Variants in DHX40 observed in about 807,000 individuals in gnomAD.
DHX40 encodes probable ATP-dependent RNA helicase DHX40.
DHX40 carries 28 observed loss-of-function variants against 89.6 expected under a neutral mutation model. The observed-to-expected ratio is 0.31, with a 90% CI of 0.23 to 0.43. The LOEUF is 0.43. DHX40 is among the 20% of genes least tolerant of loss of function. The probability of loss-of-function intolerance (pLI) is 1.00; values close to 1 mark genes in which losing one functional copy is unlikely to be tolerated. For missense variants in DHX40, 457 were observed against 844.0 expected, an observed-to-expected ratio of 0.54 and a Z score of 5.68; for synonymous variants, 226 against 283.6, an observed-to-expected ratio of 0.80 and a Z score of 2.04.
intron 12 of DHX40, among the ~76,000 whole-genome samples, chr17:59,598,406 C>G (rs2030250519): frequency 6.6e-6 from 1 of 151,760 alleles, no homozygotes; most frequent in African/African-American, 2.4e-5. Flanking sequence ...ACATGATATT[C>G]TTTTATACCA....
At chr17:59,567,975 C>T (rs1015933765) in intron 2 of DHX40, among the ~76,000 whole-genome samples, 2 of 151,980 alleles carry the variant, frequency 1.3e-5, no homozygotes, top group East Asian at 1.9e-4. Context: ...TGGCTCAAGC[C>T]TGTAATCCCA....
intron 17 of DHX40, among the ~76,000 whole-genome samples, chr17:59,606,798 G>A (rs1240411424): frequency 6.6e-6 from 1 of 151,664 alleles, no homozygotes; most frequent in Admixed American, 6.6e-5. Flanking sequence ...TTCTATTACA[G>A]TGTAATAACA....
At chr17:59,589,840 C>A (rs1255490469) in intron 12 of DHX40, among the ~76,000 whole-genome samples, 3 of 147,374 alleles carry the variant, frequency 2.0e-5, no homozygotes, top group Non-Finnish European at 1.5e-5. Context: ...TCTGCCTCAG[C>A]CTCCCAGGTA....
At chr17:59,596,638 C>A (rs1348651834) in intron 12 of DHX40, among the ~76,000 whole-genome samples, 1 of 152,166 alleles carries the variant, frequency 6.6e-6, no homozygotes, top group Admixed American at 6.5e-5. Flanking sequence ...TCATTTATAT[C>A]TTTTCCTTAC....
At chr17:59,580,967 A>T (rs1260231421) in intron 10 of DHX40, among the ~76,000 whole-genome samples, 2 of 150,410 alleles carry the variant, frequency 1.3e-5, no homozygotes, top group Non-Finnish European at 2.9e-5. Flanking sequence ...TTGTAGTCCC[A>T]GCTACTCCGG....
At chr17:59,591,175 G>C (rs1400374991) in intron 12 of DHX40, among the ~76,000 whole-genome samples, 1 of 151,570 alleles carries the variant, frequency 6.6e-6, no homozygotes, top group Non-Finnish European at 1.5e-5. Flanking sequence ...CAGGCGTGGC[G>C]TGCACCTGTG....
intron 3 of DHX40, among the ~76,000 whole-genome samples, chr17:59,572,621 C>T (rs541350380): frequency 4.6e-5 from 7 of 152,204 alleles, no homozygotes; most frequent in Non-Finnish European, 5.9e-5. Context: ...TCAAGTGATC[C>T]GCCCACCTCA....
Position 59,605,100 on chromosome 17 carries a change from T to C in DHX40, c.1902-15T>C, listed in dbSNP as rs1357059749. ...TACTGTTGTAGTCTTTATCATTTTGTTTTTCTGTTTATAGATCTGTTGGGA... is the reference window on the plus strand; with the variant it reads ...TACTGTTGTAGTCTTTATCATTTTGCTTTTCTGTTTATAGATCTGTTGGGA... On this transcript the variant is annotated splice_polypyrimidine_tract_variant and intron_variant, in intron 15 of 17. Coordinates refer to ENST00000251241, the MANE Select transcript of DHX40 (RefSeq NM_024612.5). 3.7e-6 allele frequency: 6 copies of C among 1,613,216 alleles called. No homozygotes were observed. The highest frequency in any genetic ancestry group is 3.3e-4 in the Middle Eastern group (2 of 6,082).
At chr17:59,601,649 GA>G (rs1199566814) in intron 14 of DHX40, among the ~76,000 whole-genome samples, 10 of 152,152 alleles carry the variant, frequency 6.6e-5, no homozygotes, top group Non-Finnish European at 1.3e-4. Context: ...GATTTTGATA[GA>G]TGTCCTCATT....
At chr17:59,573,324 T>A in intron 4 of DHX40, 89 bp downstream of exon 4, 4 of 1,113,354 alleles carry the variant, frequency 3.6e-6, no homozygotes, top group Non-Finnish European at 3.7e-6. Context: ...CTCCTCTTAC[T>A]TTTTAATTTA....
At chr17:59,590,083 T>C (rs2049060286) in intron 12 of DHX40, among the ~76,000 whole-genome samples, 1 of 151,758 alleles carries the variant, frequency 6.6e-6, no homozygotes, top group Non-Finnish European at 1.5e-5. Flanking sequence ...CTAATTTTTT[T>C]TTTGTAGGAT....
At chr17:59,569,643 G>A (rs1055372047) in intron 2 of DHX40, among the ~76,000 whole-genome samples, 9 of 146,298 alleles carry the variant, frequency 6.2e-5, no homozygotes, top group African/African-American at 2.1e-4. Context: ...CCGAGATCGC[G>A]CCACTGCATT....
At chr17:59,577,923 C>T (rs540363216) in intron 8 of DHX40, among the ~76,000 whole-genome samples, 41 of 152,186 alleles carry the variant, frequency 2.7e-4, no homozygotes, top group Non-Finnish European at 4.7e-4. Flanking sequence ...CAGCCTCACT[C>T]GGTAGAGTTA....
At position 59,607,573 on chromosome 17, in the gene DHX40, G is replaced by A; in HGVS notation, c.*401G>A. 2.5e-6 allele frequency: 1 copy of A among 406,776 alleles called. No homozygotes were observed. The highest frequency in any genetic ancestry group is 4.4e-6 in the Non-Finnish European group (1 of 224,808). The allele number at this position is 406,776 out of a possible 1,614,324, so 25.2% of individuals were successfully genotyped here. A position where few individuals can be genotyped will look rare whatever the true frequency, so the allele number is the denominator to read the frequency against. On this transcript the variant is annotated 3_prime_UTR_variant, in exon 18 of 18. Transcript: ENST00000251241. ...ATTATTTTTCTTAAAATCTCTTTAAGGCCTTCTTGTTGCTGTTAGAATAGT... is the reference window on the plus strand; with the variant it reads ...ATTATTTTTCTTAAAATCTCTTTAAAGCCTTCTTGTTGCTGTTAGAATAGT...
In DHX40 at chr17:59,566,681, A is replaced by G. The variant is rs2048709747; in HGVS notation, c.167A>G (p.Gln56Arg). 6.2e-7 allele frequency: 1 copy of G among 1,606,408 alleles called. No individual in the cohort carries two copies. Among genetic ancestry groups the G allele is most frequent in the Non-Finnish European group, 8.5e-7 (1 of 1,178,088 alleles). Residue 56 changes from glutamine (Q) to arginine (R), a missense_variant, in exon 2 of 18, where the codon CAG becomes CGG. Around this residue, in one of 9 missense-constraint regions of DHX40, gnomAD observed 75 missense variants for 76.8 expected, o/e 0.98. Coordinates refer to ENST00000251241, the MANE Select transcript of DHX40 (RefSeq NM_024612.5). ...GGAACTACTCCAACTTTTCCTATTC[A>G]GAAACAAAGAAAAAAGATTATTCAA... ...EGGTTPTFPI[Q>R]KQRKKIIQAV...
rs1217682176 is a variant in DHX40 at position 59,582,221 on chromosome 17, T to C, written c.1343+2342T>C. 3.3e-5 allele frequency among the ~76,000 whole-genome samples: 4 copies of C among 120,108 alleles called. 1 individual carries two copies. The highest frequency in any genetic ancestry group is 6.0e-4 in the East Asian group (2 of 3,340). The allele number at this position is 120,108 out of a possible 152,430, so 78.8% of individuals were successfully genotyped here. On this transcript the variant is annotated intron_variant, in intron 10 of 17. Coordinates refer to ENST00000251241, the MANE Select transcript of DHX40 (RefSeq NM_024612.5). ...AATTAATATCATCTGCATTGAATTATTTTTCCATCTTAAGTCTTAAAAGCC... is the reference window on the plus strand; with the variant it reads ...AATTAATATCATCTGCATTGAATTACTTTTCCATCTTAAGTCTTAAAAGCC...
At chr17:59,603,168 G>A (rs1008159809) in intron 15 of DHX40, 3 of 152,164 alleles carry the variant, frequency 2.0e-5, no homozygotes, top group Non-Finnish European at 4.4e-5. Context: ...TGAGAAAATA[G>A]GAATGATCTC....
chr17:59,604,268 C>T (rs2030709212), intron 15 of DHX40: 1 of 152,128 alleles, frequency 6.6e-6, no homozygotes, highest in Non-Finnish European at 1.5e-5. Flanking sequence ...AGTTTGCTGT[C>T]AAATGATTCA....
chr17:59,565,735 A>G lies in DHX40; in HGVS notation c.64A>G (p.Arg22Gly). ...GCGGCAGGAGGAGGGTGAGCGGTCAAGAGACCTCCAGGAAGAGCGGCTCTC... is the reference window on the plus strand; with the variant it reads ...GCGGCAGGAGGAGGGTGAGCGGTCAGGAGACCTCCAGGAAGAGCGGCTCTC... ...PRRQEEGERS[R>G]DLQEERLSAV... The change falls in exon 1 of 18, where the codon AGA becomes GGA. Residue 22 changes from arginine (R) to glycine (G), a missense_variant. This residue lies in a region of DHX40 where 75 missense variants were observed against 76.8 expected (regional missense o/e 0.98). Transcript: ENST00000251241. 6.2e-7 allele frequency: 1 copy of G among 1,605,332 alleles called. No individual in the cohort carries two copies. Among genetic ancestry groups the G allele is most frequent in the Non-Finnish European group, 8.5e-7 (1 of 1,179,640 alleles).
Sources: allele counts gnomAD v4.1 joint callset (sites outside exome capture counted in the v4.1 genomes callset), GRCh38; gene constraint gnomAD v4.1.1; regional missense constraint gnomAD v4.1.1; transcripts MANE v1.5; gene names NCBI Gene and HGNC (gene_info 2026-07-23, HGNC 2026-07-21).